The following GAB2 variants were observed in gnomAD, a reference collection of about 807,000 sequenced individuals.
The protein encoded by GAB2 is GRB2 associated binding protein 2.
Under a neutral mutation model 65.5 loss-of-function variants are expected in GAB2, and 26 were observed. The ratio of observed to expected loss-of-function variants is 0.40; its 90% CI spans 0.29 to 0.55. The LOEUF (loss-of-function observed/expected upper bound fraction) is 0.55, where lower values mean the gene tolerates loss of function less well. Ranked by LOEUF, GAB2 falls within the 20% of genes least tolerant of loss-of-function variation. GAB2 has a pLI of 0.53. For synonymous variants in GAB2, 321 were observed against 329.6 expected (o/e 0.97, Z 0.28); for missense variants, 884 against 875.8 (o/e 1.01, Z -0.12).
At chr11:78,397,224 T>C (rs115619303) in intron 1 of GAB2, among the ~76,000 whole-genome samples, 1,912 of 152,280 alleles carry the variant, frequency 0.013, 35 homozygotes, top group African/African-American at 0.043. Context: ...ACATTTTCAA[T>C]TCAATTCCAG....
At chr11:78,374,763 C>G (rs1330316854) in intron 1 of GAB2, among the ~76,000 whole-genome samples, 2 of 151,948 alleles carry the variant, frequency 1.3e-5, no homozygotes, top group African/African-American at 4.8e-5. Context: ...AAGACAGACC[C>G]ATTATTCTAA....
chr11:78,259,421 T>C (rs987616984), intron 2 of GAB2, among the ~76,000 whole-genome samples: 2 of 151,950 alleles, frequency 1.3e-5, no homozygotes, highest in Non-Finnish European at 2.9e-5. Context: ...TTCTAAGGAG[T>C]GTGTGGTCCC....
intron 1 of GAB2, among the ~76,000 whole-genome samples, chr11:78,369,811 G>T (rs538881067): frequency 6.6e-6 from 1 of 152,172 alleles, no homozygotes; most frequent in African/African-American, 2.4e-5. Context: ...GAGAAAAGCT[G>T]AGCTTCATGA....
intron 1 of GAB2, among the ~76,000 whole-genome samples, chr11:78,389,421 C>T (rs1856806695): frequency 1.3e-5 from 2 of 151,940 alleles, no homozygotes; most frequent in South Asian, 4.1e-4. Context: ...ATTCTTTTGC[C>T]TCAGCCTCCC....
chr11:78,224,769 C>G (rs1275226421), intron 5 of GAB2, among the ~76,000 whole-genome samples: 1 of 152,092 alleles, frequency 6.6e-6, no homozygotes, highest in African/African-American at 2.4e-5. Flanking sequence ...ACTGCAGCCT[C>G]CCTCCTGCAT....
chr11:78,252,541 C>T (rs905459571), intron 2 of GAB2, among the ~76,000 whole-genome samples: 4 of 152,082 alleles, frequency 2.6e-5, no homozygotes, highest in African/African-American at 7.2e-5. Flanking sequence ...TCTGTTGTCT[C>T]GTTGGACTCC....
intron 1 of GAB2, among the ~76,000 whole-genome samples, chr11:78,329,400 C>T (rs1191492304): frequency 6.6e-6 from 1 of 152,132 alleles, no homozygotes; most frequent in Non-Finnish European, 1.5e-5. Context: ...TTATGTATCT[C>T]TCATCTGTGT....
chr11:78,332,313 C>T (rs1212304263), intron 1 of GAB2, among the ~76,000 whole-genome samples: 4 of 152,184 alleles, frequency 2.6e-5, no homozygotes, highest in Non-Finnish European at 5.9e-5. Context: ...AGGAAGCCAC[C>T]AGGCTTGGGA....
intron 1 of GAB2, among the ~76,000 whole-genome samples, chr11:78,401,124 A>C (rs1388097827): frequency 6.6e-6 from 1 of 152,106 alleles, no homozygotes; most frequent in Non-Finnish European, 1.5e-5. Flanking sequence ...TAAAAAAAAA[A>C]AACTGTCATA....
At chr11:78,327,711 A>C (rs1591041577) in intron 1 of GAB2, among the ~76,000 whole-genome samples, 1 of 152,158 alleles carries the variant, frequency 6.6e-6, no homozygotes, top group African/African-American at 2.4e-5. Context: ...TGAGCCCCCC[A>C]AATTTTGAAA....
intron 2 of GAB2, among the ~76,000 whole-genome samples, chr11:78,266,072 G>A (rs569596225): frequency 4.0e-5 from 6 of 151,890 alleles, no homozygotes; most frequent in East Asian, 3.9e-4. Flanking sequence ...AAAATTTGCC[G>A]GGTGTGGTGG....
At chr11:78,252,820 C>T (rs1448722099) in intron 2 of GAB2, among the ~76,000 whole-genome samples, 2 of 152,046 alleles carry the variant, frequency 1.3e-5, no homozygotes, top group African/African-American at 4.8e-5. Context: ...CTAAATTGAC[C>T]TCTTCATCAC....
At chr11:78,245,793 A>T (rs935521211) in intron 3 of GAB2, among the ~76,000 whole-genome samples, 1 of 152,202 alleles carries the variant, frequency 6.6e-6, no homozygotes, top group Non-Finnish European at 1.5e-5. Context: ...CTTCAGCCTG[A>T]GGAAATTTCT....
At chr11:78,372,210 G>A (rs1565176499) in intron 1 of GAB2, among the ~76,000 whole-genome samples, 1 of 152,088 alleles carries the variant, frequency 6.6e-6, no homozygotes, top group Non-Finnish European at 1.5e-5. Flanking sequence ...AGTTTACAAA[G>A]TGCTTTCACC....
intron 1 of GAB2, among the ~76,000 whole-genome samples, chr11:78,368,638 A>C (rs1176318117): frequency 3.3e-5 from 5 of 152,142 alleles, no homozygotes; most frequent in Non-Finnish European, 7.3e-5. Context: ...GGAACAATTA[A>C]CCCTAATAAA....
At chr11:78,416,071 T>C in intron 1 of GAB2, among the ~76,000 whole-genome samples, 1 of 151,972 alleles carries the variant, frequency 6.6e-6, no homozygotes, top group East Asian at 1.9e-4. Context: ...TAATAGTAAA[T>C]CACTGCTCCT....
chr11:78,260,501 T>G (rs1267337183), intron 2 of GAB2, among the ~76,000 whole-genome samples: 1 of 151,972 alleles, frequency 6.6e-6, no homozygotes, highest in Non-Finnish European at 1.5e-5. Context: ...AATGGAGTCT[T>G]GCTCTTGTCT....
At chr11:78,222,269 CAT>C in intron 6 of GAB2, 74 bp from the exon 7 acceptor site, 1 of 933,172 alleles carries the variant, frequency 1.1e-6, no homozygotes, top group South Asian at 1.3e-5. Flanking sequence ...ATATATAACA[CAT>C]GAGCATGTTT....
intron 1 of GAB2, among the ~76,000 whole-genome samples, chr11:78,360,407 A>AAAAG (rs1856418554): frequency 6.6e-6 from 1 of 151,402 alleles, no homozygotes; most frequent in African/African-American, 2.4e-5. Flanking sequence ...AAAAAAAAAA[A>AAAAG]AAGAAGAAGA....
Sources: gnomAD v4.1 joint callset for allele counts (sites outside exome capture counted in the v4.1 genomes callset) on GRCh38, gnomAD v4.1.1 for gene constraint, MANE v1.5 for transcripts, NCBI Gene and HGNC (gene_info 2026-07-23, HGNC 2026-07-21) for gene names.